The following RIN2 variants were observed in gnomAD, a reference collection of about 807,000 sequenced individuals.
RIN2 encodes Ras and Rab interactor 2, also known as RAB5 interacting protein 2.
Under a neutral mutation model 78.0 loss-of-function variants are expected in RIN2, and 36 were observed. The observed-to-expected ratio is 0.46, with a 90% CI of 0.35 to 0.61. The LOEUF is 0.61. RIN2 is among the 20% of genes least tolerant of loss of function. The pLI, the probability that RIN2 is intolerant of heterozygous loss-of-function variation, is 0.00. For synonymous variants in RIN2, 466 were observed against 466.8 expected (o/e 1.00, Z 0.02); for missense variants, 1,087 against 1,159.7 (o/e 0.94, Z 0.91).
chr20:19,829,563 C>G (rs1357723706), intron 2 of RIN2, among the ~76,000 whole-genome samples: 1 of 152,120 alleles, frequency 6.6e-6, no homozygotes, highest in Non-Finnish European at 1.5e-5. Context: ...TTCAAAAATC[C>G]ACTGTTGTGA....
chr20:19,783,594 C>A (rs1299558654), intron 1 of RIN2, among the ~76,000 whole-genome samples: 1 of 152,034 alleles, frequency 6.6e-6, no homozygotes, highest in Admixed American at 6.5e-5. Context: ...CGGCTCTGAA[C>A]AAGGATTTGA....
intron 2 of RIN2, among the ~76,000 whole-genome samples, chr20:19,861,196 A>G (rs2037322539): frequency 6.6e-6 from 1 of 152,086 alleles, no homozygotes; most frequent in South Asian, 2.1e-4. Context: ...GATCCTGTCC[A>G]CCTCCTAAAC....
chr20:19,772,642 G>A (rs909554308), intron 1 of RIN2, among the ~76,000 whole-genome samples: 3 of 152,112 alleles, frequency 2.0e-5, no homozygotes, highest in Non-Finnish European at 4.4e-5. Flanking sequence ...AAAGGGTCCC[G>A]GCACTGCCTG....
At position 19,956,668 on chromosome 20, in the gene RIN2, G is replaced by A. The variant is rs142502440; in HGVS notation, c.212G>A (p.Cys71Tyr). The A allele has an allele frequency of 0.038, 60,917 of 1,613,190 alleles. 1,408 individuals carry two copies. The highest frequency in any genetic ancestry group is 0.05 in the Middle Eastern group (304 of 6,062). ...GYSEEEDVKTCARDSGYDSLS... is the reference protein window; with the variant it reads ...GYSEEEDVKTYARDSGYDSLS... The stretch of plus-strand genomic sequence containing the variant: ...TCCGAGGAAGAGGACGTGAAGACCT[G>A]TGCCCGGGACTCAGGCTATGACAGC... The change falls in exon 5 of 13, where the codon TGT becomes TAT. Residue 71 changes from cysteine (C) to tyrosine (Y), a missense_variant. Cys to Tyr is a radical substitution (Grantham distance 194). Coordinates refer to ENST00000255006, the MANE Select transcript of RIN2 (RefSeq NM_018993.4).
At position 19,960,752 on chromosome 20, in the gene RIN2, G is replaced by T. The variant is rs200460217; in HGVS notation, c.404G>T (p.Arg135Leu). 1.9e-6 allele frequency: 3 copies of T among 1,605,208 alleles called. No homozygotes were observed. The highest frequency in any genetic ancestry group is 2.2e-5 in the East Asian group (1 of 44,652). ...TKMQKKVLSL[R>L]LPCEFGAPLK... ...ATGCAGAAGAAAGTCCTCTCCCTCC[G>T]CCTGCCCTGTGAATTTGGGGCCCCA... The change falls in exon 6 of 13, where the codon CGC (arginine) becomes CTC (leucine). Residue 135 changes from arginine (R) to leucine (L), a missense_variant. Around this residue, in one of 8 missense-constraint regions of RIN2, gnomAD observed 706 missense variants for 667.5 expected, o/e 1.06. Transcript: ENST00000255006.
At chr20:19,910,667 C>T (rs2039424605) in intron 3 of RIN2, among the ~76,000 whole-genome samples, 2 of 150,556 alleles carry the variant, frequency 1.3e-5, no homozygotes, top group South Asian at 4.2e-4. Context: ...CTCCTGGGTT[C>T]AAGTAATTCT....
At chr20:19,991,459 T>A (rs924765281) in intron 10 of RIN2, among the ~76,000 whole-genome samples, 6 of 151,926 alleles carry the variant, frequency 3.9e-5, no homozygotes, top group Admixed American at 3.3e-4. Context: ...CCCTGCTTCC[T>A]GTAGGAAGTT....
chr20:19,998,181 C>T (rs1334132608), intron 12 of RIN2, among the ~76,000 whole-genome samples: 1 of 152,040 alleles, frequency 6.6e-6, no homozygotes, highest in Non-Finnish European at 1.5e-5. Flanking sequence ...GGGATTTCAC[C>T]GTGGTGGCCA....
At position 19,764,918 on chromosome 20, in the gene RIN2, G is replaced by GTTTTTTTTTTTTTTTTTTTTTTTTTT. The variant is rs10605325; in HGVS notation, c.-163+6616_-163+6617insTTTTTTTTTTTTTTTTTTTTTTTTTT. 1.6e-4 allele frequency among the ~76,000 whole-genome samples: 8 copies of GTTTTTTTTTTTTTTTTTTTTTTTTTT among 50,390 alleles called. 1 individual carries two copies. The highest frequency in any genetic ancestry group is 3.2e-4 in the African/African-American group (5 of 15,516). The allele number at this position is 50,390 out of a possible 152,430, so 33.1% of individuals were successfully genotyped here. ...GGGCAAGTCCCACTTCACTTTCTGC[G>GTTTTTTTTTTTTTTTTTTTTTTTTTT]TTTTTTTTTTTTTTTTTTTTTTTTT... On this transcript the variant is annotated intron_variant, in intron 1 of 12. Transcript: ENST00000255006.
intron 2 of RIN2, among the ~76,000 whole-genome samples, chr20:19,887,756 A>T (rs1027745042): frequency 6.6e-6 from 1 of 152,240 alleles, no homozygotes; most frequent in Non-Finnish European, 1.5e-5. Flanking sequence ...AGTCTGGATG[A>T]GGAATGAAGT....
chr20:19,962,396 G>A (rs996214440), intron 6 of RIN2, among the ~76,000 whole-genome samples: 1 of 151,910 alleles, frequency 6.6e-6, no homozygotes, highest in African/African-American at 2.4e-5. Context: ...AGTGGAGCAC[G>A]ATGGATGTGT....
At chr20:19,818,755 A>G (rs1351261206) in intron 2 of RIN2, among the ~76,000 whole-genome samples, 1 of 145,030 alleles carries the variant, frequency 6.9e-6, no homozygotes, top group Non-Finnish European at 1.5e-5. Flanking sequence ...AAAGAAAGAG[A>G]AAAAAAAAAA....
intron 2 of RIN2, among the ~76,000 whole-genome samples, chr20:19,810,881 T>G (rs866420761): frequency 0.082 from 9,329 of 113,536 alleles, 554 homozygotes; most frequent in African/African-American, 0.24. Context: ...TGTGTGTGTT[T>G]TTTTTTTTTT....
intron 3 of RIN2, among the ~76,000 whole-genome samples, chr20:19,896,390 A>T (rs1192349694): frequency 6.6e-6 from 1 of 152,120 alleles, no homozygotes; most frequent in Non-Finnish European, 1.5e-5. Flanking sequence ...GGGTTTCTCC[A>T]CGTTGGCCAG....
intron 1 of RIN2, among the ~76,000 whole-genome samples, chr20:19,796,627 A>G (rs2035062493): frequency 6.6e-6 from 1 of 152,206 alleles, no homozygotes; most frequent in Non-Finnish European, 1.5e-5. Flanking sequence ...GAGTCAATAG[A>G]TTCCTGTTCT....
chr20:19,768,817 G>A (rs2033998303), intron 1 of RIN2, among the ~76,000 whole-genome samples: 1 of 151,908 alleles, frequency 6.6e-6, no homozygotes, highest in Non-Finnish European at 1.5e-5. Context: ...CACACTTCTG[G>A]TGCTGATTTT....
chr20:19,921,157 T>C (rs1294515925), intron 3 of RIN2, among the ~76,000 whole-genome samples: 1 of 152,186 alleles, frequency 6.6e-6, no homozygotes. Context: ...CACTTTGATC[T>C]CTTTTGTATG....
chr20:19,861,158 A>T lies in RIN2; in HGVS notation c.-36-28408A>T, dbSNP rs542475892. ...CCTGCTTTGATCAGTCTCCGGGCAG[A>T]TGTCACACTATTCCTTCTACCCTTC... On this transcript the variant is annotated intron_variant, in intron 2 of 12. Transcript: ENST00000255006. 2.0e-4 allele frequency among the ~76,000 whole-genome samples: 30 copies of T among 152,284 alleles called. No homozygotes were observed. The South Asian group carries it at 6.2e-3, about 32-fold the overall frequency.
At chr20:19,979,475 G>A (rs974603225) in intron 9 of RIN2, among the ~76,000 whole-genome samples, 1 of 152,128 alleles carries the variant, frequency 6.6e-6, no homozygotes, top group Non-Finnish European at 1.5e-5. Context: ...GTATCTGAGT[G>A]TTTTTTGTTT....
Sources: allele counts gnomAD v4.1 joint callset (sites outside exome capture counted in the v4.1 genomes callset), GRCh38; gene constraint gnomAD v4.1.1; regional missense constraint gnomAD v4.1.1; transcripts MANE v1.5; gene names NCBI Gene and HGNC (gene_info 2026-07-23, HGNC 2026-07-21).